The following HYCC1 variants were observed in gnomAD, a reference collection of about 807,000 sequenced individuals.
HYCC1 encodes hyccin.
chr7:22,988,816 A>G, the HYCC1 span, among the ~76,000 whole-genome samples: 2 of 152,168 alleles, frequency 1.3e-5, no homozygotes, highest in East Asian at 1.9e-4. Context: ...TATTTGCTCA[A>G]TGTAACCAAT....
the HYCC1 span, among the ~76,000 whole-genome samples, chr7:22,909,540 T>C: frequency 6.6e-6 from 1 of 152,216 alleles, no homozygotes; most frequent in South Asian, 2.1e-4. Flanking sequence ...GATATCCCTT[T>C]GCCATAATAA....
the HYCC1 span, among the ~76,000 whole-genome samples, chr7:22,967,494 A>AGCAGG: frequency 6.6e-6 from 1 of 152,222 alleles, no homozygotes; most frequent in African/African-American, 2.4e-5. Flanking sequence ...CAGAACATGA[A>AGCAGG]TATCTTATAA....
the HYCC1 span, among the ~76,000 whole-genome samples, chr7:22,986,599 G>A: frequency 6.6e-6 from 1 of 152,066 alleles, no homozygotes; most frequent in African/African-American, 2.4e-5. Flanking sequence ...TGTAATCCCA[G>A]CATTTTGGGA....
chr7:22,900,899 A>G, the HYCC1 span, among the ~76,000 whole-genome samples: 1 of 152,102 alleles, frequency 6.6e-6, no homozygotes, highest in Non-Finnish European at 1.5e-5. Context: ...TCTAAGTAAG[A>G]AGACACAAAT....
At chr7:22,944,802 C>T in the HYCC1 span, 1 of 152,382 alleles carries the variant, frequency 6.6e-6, no homozygotes, top group Non-Finnish European at 1.5e-5. Context: ...CCTATTATAC[C>T]TTAATAATTG....
At chr7:22,896,628 CA>C in the HYCC1 span, among the ~76,000 whole-genome samples, 2 of 150,756 alleles carry the variant, frequency 1.3e-5, no homozygotes, top group Non-Finnish European at 3.0e-5. Context: ...TGCATGCATT[CA>C]AAAAAAAATG....
At chr7:23,005,388 T>A in the HYCC1 span, among the ~76,000 whole-genome samples, 1 of 152,194 alleles carries the variant, frequency 6.6e-6, no homozygotes, top group Non-Finnish European at 1.5e-5. Flanking sequence ...AGGTACTCAA[T>A]GAATGATACC....
chr7:22,950,695 A>T, the HYCC1 span, among the ~76,000 whole-genome samples: 137 of 152,002 alleles, frequency 9.0e-4, no homozygotes, highest in Non-Finnish European at 1.6e-3. Flanking sequence ...GGTCAAAAAG[A>T]TCATTTTTAA....
At chr7:22,956,594 T>C in the HYCC1 span, among the ~76,000 whole-genome samples, 1 of 151,816 alleles carries the variant, frequency 6.6e-6, no homozygotes, top group African/African-American at 2.4e-5. Flanking sequence ...TCCTATTTAA[T>C]TGACATGAGG....
the HYCC1 span, among the ~76,000 whole-genome samples, chr7:22,957,302 GAAAA>G: frequency 7.0e-6 from 1 of 141,994 alleles, no homozygotes; most frequent in Non-Finnish European, 1.5e-5. Context: ...AAGGGAGATG[GAAAA>G]AAAAAAAAAA....
the HYCC1 span, among the ~76,000 whole-genome samples, chr7:22,981,271 T>C: frequency 6.6e-6 from 1 of 152,220 alleles, no homozygotes; most frequent in Non-Finnish European, 1.5e-5. Context: ...TTAATAAATA[T>C]TTATTAAATG....
the HYCC1 span, chr7:22,978,254 C>T: frequency 5.0e-6 from 8 of 1,612,232 alleles, no homozygotes; most frequent in African/African-American, 6.7e-5. Context: ...TTTGTTAACT[C>T]CATTAAATAC....
At chr7:22,987,830 C>A in the HYCC1 span, among the ~76,000 whole-genome samples, 1 of 152,034 alleles carries the variant, frequency 6.6e-6, no homozygotes, top group Non-Finnish European at 1.5e-5. Context: ...CAAAGGGTTT[C>A]TTTCAGTTCA....
the HYCC1 span, among the ~76,000 whole-genome samples, chr7:22,948,181 G>C: frequency 6.6e-6 from 1 of 152,040 alleles, no homozygotes; most frequent in South Asian, 2.1e-4. Flanking sequence ...GGTGACAGTA[G>C]TGAAACAAAG....
chr7:22,936,114 A>G, the HYCC1 span: 1 of 151,782 alleles, frequency 6.6e-6, no homozygotes, highest in South Asian at 2.1e-4. Flanking sequence ...GAAAATCATA[A>G]TGGTGAACAG....
the HYCC1 span, among the ~76,000 whole-genome samples, chr7:22,897,254 G>A: frequency 2.0e-5 from 3 of 152,140 alleles, no homozygotes; most frequent in African/African-American, 2.4e-5. Context: ...AGGGAGGTAC[G>A]TGGAACTAGG....
the HYCC1 span, chr7:22,946,231 ACC>A: frequency 7.9e-7 from 1 of 1,258,932 alleles, no homozygotes; most frequent in East Asian, 2.5e-5. Flanking sequence ...AATGATTAAC[ACC>A]AAATCAGTTA....
the HYCC1 span, among the ~76,000 whole-genome samples, chr7:22,920,874 C>T: frequency 6.6e-6 from 1 of 152,080 alleles, no homozygotes; most frequent in South Asian, 2.1e-4. Context: ...TAGCACCATC[C>T]CCATGGTGAT....
At chr7:22,907,817 C>T in the HYCC1 span, among the ~76,000 whole-genome samples, 1 of 152,150 alleles carries the variant, frequency 6.6e-6, no homozygotes, top group Non-Finnish European at 1.5e-5. Context: ...GAGGCTGAGG[C>T]AGGAGAATCG....
Sources: allele counts gnomAD v4.1 joint callset (sites outside exome capture counted in the v4.1 genomes callset), GRCh38; gene constraint gnomAD v4.1.1; transcripts MANE v1.5; gene names NCBI Gene and HGNC (gene_info 2026-07-23, HGNC 2026-07-21).